The following MXD4 variants were observed in gnomAD, a reference collection of about 807,000 sequenced individuals.
MXD4 encodes MAX dimerization protein 4.
Under a neutral mutation model 24.5 loss-of-function variants are expected in MXD4, and 16 were observed. The ratio of observed to expected loss-of-function variants is 0.65; its 90% CI spans 0.44 to 0.99. MXD4 has a LOEUF of 0.99. Among genes scored for constraint, MXD4 ranks in the 50% least tolerant of loss-of-function variants. The probability of loss-of-function intolerance (pLI) is 0.00; values close to 1 mark genes in which losing one functional copy is unlikely to be tolerated. For synonymous variants in MXD4, 164 were observed against 134.2 expected (o/e 1.22, Z -1.54); for missense variants, 301 against 301.5 (o/e 1.00, Z 0.01).
chr4:2,260,894 G>A (rs998117319), intron 2 of MXD4, among the ~76,000 whole-genome samples: 2 of 152,180 alleles, frequency 1.3e-5, no homozygotes, highest in African/African-American at 4.8e-5. Flanking sequence ...CAGCAGCCAG[G>A]AGGGTGGAAA....
At chr4:2,254,316 C>T (rs1026301628) in intron 3 of MXD4, 2 of 152,066 alleles carry the variant, frequency 1.3e-5, no homozygotes, top group Admixed American at 6.5e-5. Context: ...AATTAGAATA[C>T]GGAACCACAT....
chr4:2,257,961 G>A, intron 3 of MXD4, 21 bp downstream of exon 3: 1 of 1,613,662 alleles, frequency 6.2e-7, no homozygotes, highest in Non-Finnish European at 8.5e-7. Flanking sequence ...GGCTCATGTG[G>A]GGAACTGGGG....
chr4:2,261,859 C>T, intron 1 of MXD4, 35 bp from the exon 2 acceptor site: 1 of 1,368,404 alleles, frequency 7.3e-7, no homozygotes, highest in South Asian at 1.6e-5. Flanking sequence ...GGCCCCCGCC[C>T]GGCACGGCCC....
chr4:2,255,182 T>C (rs916920457), intron 3 of MXD4: 1 of 391,980 alleles, frequency 2.6e-6, no homozygotes, highest in African/African-American at 2.1e-5. Flanking sequence ...AAAGATCAAG[T>C]GAGGAAATGG....
chr4:2,256,234 G>C (rs780082784), intron 3 of MXD4, among the ~76,000 whole-genome samples: 7 of 152,220 alleles, frequency 4.6e-5, no homozygotes, highest in Non-Finnish European at 8.8e-5. Flanking sequence ...CCAAGAAGGC[G>C]AGGCCTCCAC....
chr4:2,261,859 C>A, intron 1 of MXD4, 35 bp from the exon 2 acceptor site: 1 of 1,368,406 alleles, frequency 7.3e-7, no homozygotes, highest in East Asian at 3.2e-5. Flanking sequence ...GGCCCCCGCC[C>A]GGCACGGCCC....
chr4:2,250,738 C>CTT, intron 5 of MXD4, 37 bp from the exon 6 acceptor site: 1 of 1,595,276 alleles, frequency 6.3e-7, no homozygotes, highest in Middle Eastern at 1.7e-4. Context: ...TCAGGCCACT[C>CTT]TGAGGGTGCC....
At position 2,250,720 on chromosome 4, in the gene MXD4, G is replaced by A. The variant is rs1174796400; in HGVS notation, c.473-19C>T. ...TCCACTTCTAGGGAGAATAGAGTGG[G>A]GATGGGGTCAGGCCACTCTGAGGGT... On this transcript the variant is annotated intron_variant, in intron 5 of 5. Transcript: ENST00000337190. 1 of 1,610,054 alleles carries A rather than the reference G, an allele frequency of 6.2e-7. No homozygotes were observed. The highest frequency in any genetic ancestry group is 8.5e-7 in the Non-Finnish European group (1 of 1,177,664).
intron 2 of MXD4, among the ~76,000 whole-genome samples, 168 bp downstream of exon 2, chr4:2,261,557 G>A (rs1197017172): frequency 6.8e-6 from 1 of 147,364 alleles, no homozygotes; most frequent in Non-Finnish European, 1.5e-5. Flanking sequence ...GGCCGGCCGG[G>A]CGGGGCTGCG....
chr4:2,252,167 C>T (rs1735336669), intron 4 of MXD4, among the ~76,000 whole-genome samples: 3 of 152,182 alleles, frequency 2.0e-5, no homozygotes, highest in African/African-American at 7.2e-5. Context: ...ATGCCATCAG[C>T]ACCCAACAAA....
intron 3 of MXD4, chr4:2,253,600 T>A (rs1007188567): frequency 6.6e-6 from 1 of 152,176 alleles, no homozygotes; most frequent in Non-Finnish European, 1.5e-5. Context: ...CACGTGACTT[T>A]CCCCACGTGG....
chr4:2,261,705 T>A lies in MXD4; in HGVS notation c.164+20A>T, dbSNP rs1577826271. On this transcript the variant is annotated intron_variant, in intron 2 of 5. Coordinates refer to ENST00000337190, the MANE Select transcript of MXD4 (RefSeq NM_006454.3). ...GGGGTTCGGACCGGGCCGGGCGGGG[T>A]CGGGAGCGGGGGGCGGTACCTGTTG... 7.7e-7 allele frequency: 1 copy of A among 1,301,840 alleles called. No individual in the cohort carries two copies. Among genetic ancestry groups the A allele is most frequent in the Non-Finnish European group, 9.9e-7 (1 of 1,012,800 alleles). The allele number at this position is 1,301,840 out of a possible 1,614,324, so 80.6% of individuals were successfully genotyped here. A position where few individuals can be genotyped will look rare whatever the true frequency, so the allele number is the denominator to read the frequency against.
chr4:2,258,078 C>T, intron 2 of MXD4, 67 bp from the exon 3 acceptor site: 1 of 1,598,212 alleles, frequency 6.3e-7, no homozygotes, highest in African/African-American at 1.3e-5. Context: ...GAGAGCAGTG[C>T]TCTCCTAGGG....
At chr4:2,259,978 T>C (rs988780418) in intron 2 of MXD4, among the ~76,000 whole-genome samples, 9 of 152,148 alleles carry the variant, frequency 5.9e-5, no homozygotes, top group African/African-American at 2.2e-4. Context: ...TGGCAGAGCA[T>C]GGAAGCCTCA....
rs933779783 is a variant in MXD4 at position 2,251,302 on chromosome 4, C to A, written c.310-56G>T. 83 of 1,485,094 alleles carry A rather than the reference C, an allele frequency of 5.6e-5. No homozygotes were observed. The African/African-American group carries it at 1.1e-3, about 20-fold the overall frequency. 92.0% of individuals were successfully genotyped at this position (1,485,094 alleles called of 1,614,324 possible). A position where few individuals can be genotyped will look rare whatever the true frequency, so the allele number is the denominator to read the frequency against. ...CGGGAAGAGGAGTCCCCCCATCCCC[C>A]TGGCCAGGCACTGGGGCACCCAGGC... is the stretch of plus-strand genomic sequence containing the variant. On this transcript the variant is annotated intron_variant, in intron 4 of 5. Coordinates refer to ENST00000337190, the MANE Select transcript of MXD4 (RefSeq NM_006454.3).
chr4:2,261,418 T>C (rs908605599), intron 2 of MXD4, among the ~76,000 whole-genome samples: 5 of 152,126 alleles, frequency 3.3e-5, no homozygotes, highest in African/African-American at 1.2e-4. Flanking sequence ...CCTGGAAAAG[T>C]CCAGAACAAC....
chr4:2,250,230 C>T lies in MXD4; in HGVS notation c.*314G>A. On this transcript the variant is annotated 3_prime_UTR_variant, in exon 6 of 6. Transcript: ENST00000337190. Reference sequence around the variant, plus strand: ...CTCACACGGCACCTGCCGAGGTTTGCAGCAATGACGTTTAATACTTCTGGA... The same window carrying T: ...CTCACACGGCACCTGCCGAGGTTTGTAGCAATGACGTTTAATACTTCTGGA... The T allele has an allele frequency of 5.3e-6, 2 of 379,346 alleles. No homozygotes were observed. Among genetic ancestry groups the T allele is most frequent in the Non-Finnish European group, 9.6e-6 (2 of 208,806 alleles). The allele number at this position is 379,346 out of a possible 1,614,324, so 23.5% of individuals were successfully genotyped here. A position where few individuals can be genotyped will look rare whatever the true frequency, so the allele number is the denominator to read the frequency against.
intron 3 of MXD4, among the ~76,000 whole-genome samples, chr4:2,255,633 C>A (rs1024532843): frequency 1.3e-5 from 2 of 152,166 alleles, no homozygotes; most frequent in African/African-American, 4.8e-5. Context: ...GTGCCCTGGG[C>A]CCCCTGCCAG....
rs564226651 is a variant in MXD4 at position 2,251,100 on chromosome 4, C to G, written c.456G>C (p.Thr152=). 1 of 1,580,116 alleles carries G rather than the reference C, an allele frequency of 6.3e-7. No individual in the cohort carries two copies. Among genetic ancestry groups the G allele is most frequent in the African/African-American group, 1.3e-5 (1 of 74,268 alleles). ...RTDSTGSAVS[T]DDSEQEVDIE... ...ACGCCCCACCTTGCTCTGAGTCGTC[C>G]GTGGAGACAGCAGAGCCCGTGCTAT... is the stretch of plus-strand genomic sequence containing the variant. Residue 152 remains threonine (T), a synonymous_variant, in exon 5 of 6, where the codon ACG becomes ACC. Coordinates refer to ENST00000337190, the MANE Select transcript of MXD4 (RefSeq NM_006454.3).
Sources: allele counts gnomAD v4.1 joint callset (sites outside exome capture counted in the v4.1 genomes callset), GRCh38; gene constraint gnomAD v4.1.1; transcripts MANE v1.5; gene names NCBI Gene and HGNC (gene_info 2026-07-23, HGNC 2026-07-21).